DPYSL4: variants seen among roughly 807,000 people sequenced by gnomAD.
DPYSL4 encodes the protein dihydropyrimidinase like 4.
Under a neutral mutation model 63.4 loss-of-function variants are expected in DPYSL4, and 43 were observed. The ratio of observed to expected loss-of-function variants is 0.68; its 90% CI spans 0.53 to 0.88. The LOEUF is 0.88. Among genes scored for constraint, DPYSL4 ranks in the 40% least tolerant of loss-of-function variants. DPYSL4 has a pLI of 0.00. For missense variants in DPYSL4, 733 were observed against 819.5 expected (o/e 0.89, Z 1.29); for synonymous variants, 353 against 331.7 (o/e 1.06, Z -0.70).
chr10:132,193,944 G>A (rs1435166002), intron 3 of DPYSL4, among the ~76,000 whole-genome samples: 2 of 152,272 alleles, frequency 1.3e-5, no homozygotes, highest in Admixed American at 1.3e-4. Context: ...GAGGAGACTG[G>A]CCACTGCTCG....
At chr10:132,202,177 C>T in intron 11 of DPYSL4, 61 bp downstream of exon 11, 4 of 1,570,040 alleles carry the variant, frequency 2.5e-6, no homozygotes, top group Non-Finnish European at 3.5e-6. Context: ...CCAGGGCAGC[C>T]TTCCCAGGAG....
intron 1 of DPYSL4, among the ~76,000 whole-genome samples, chr10:132,188,605 C>G (rs1000486420): frequency 6.6e-6 from 1 of 152,236 alleles, no homozygotes; most frequent in African/African-American, 2.4e-5. Flanking sequence ...ACAGACAGCT[C>G]TGTAGACCAA....
intron 4 of DPYSL4, among the ~76,000 whole-genome samples, chr10:132,195,795 T>C (rs796385650): frequency 2.6e-5 from 4 of 152,376 alleles, no homozygotes; most frequent in African/African-American, 9.6e-5. Context: ...TCCAGGCAGC[T>C]GCTCTGCCAC....
Position 132,202,101 on chromosome 10 carries a change from C to G in DPYSL4, c.1266C>G (p.Ala422=). 4 of 1,612,678 alleles carry G rather than the reference C, an allele frequency of 2.5e-6. No individual in the cohort carries two copies. Among genetic ancestry groups the G allele is most frequent in the Non-Finnish European group, 3.4e-6 (4 of 1,179,708 alleles). The change falls in exon 11 of 14, where the codon GCC becomes GCG. Residue 422 remains alanine (A), a synonymous_variant. Coordinates refer to ENST00000338492, the MANE Select transcript of DPYSL4 (RefSeq NM_006426.3). ...WNPKATKIIS[A]KTHNLNVEYN... Reference sequence around the variant, plus strand: ...CCAAGGCCACCAAGATCATCTCTGCCAAGACCCACAATCTGGTAAGAGAAG... The same window carrying G: ...CCAAGGCCACCAAGATCATCTCTGCGAAGACCCACAATCTGGTAAGAGAAG...
intron 4 of DPYSL4, among the ~76,000 whole-genome samples, 189 bp from the exon 5 acceptor site, chr10:132,196,672 C>T (rs554875187): frequency 5.8e-4 from 88 of 152,352 alleles, no homozygotes; most frequent in Non-Finnish European, 1.1e-3. Flanking sequence ...GCTGCCTCCG[C>T]CTCACTTCCC....
At chr10:132,202,548 C>A in intron 11 of DPYSL4, 98 bp from the exon 12 acceptor site, 1 of 1,500,564 alleles carries the variant, frequency 6.7e-7, no homozygotes, top group Non-Finnish European at 9.0e-7. Flanking sequence ...ACCGGGCCTG[C>A]TCCACGCTGG....
chr10:132,189,263 G>A (rs2101613), intron 1 of DPYSL4, among the ~76,000 whole-genome samples: 61,813 of 152,202 alleles, frequency 0.41, 14,809 homozygotes, highest in Admixed American at 0.54. Context: ...AGGGAAAAGC[G>A]TTGCCGAGTC....
intron 1 of DPYSL4, among the ~76,000 whole-genome samples, chr10:132,189,491 G>A (rs757329886): frequency 3.3e-5 from 5 of 152,152 alleles, no homozygotes; most frequent in South Asian, 2.1e-4. Context: ...CCTGTCTAAC[G>A]CCACAGCTCT....
intron 4 of DPYSL4, among the ~76,000 whole-genome samples, chr10:132,195,539 G>T (rs2061932294): frequency 6.6e-6 from 1 of 152,206 alleles, no homozygotes; most frequent in Non-Finnish European, 1.5e-5. Flanking sequence ...CCAGCCTGGA[G>T]GTGGGGGCGG....
At chr10:132,195,933 T>C (rs866495077) in intron 4 of DPYSL4, among the ~76,000 whole-genome samples, 3 of 152,206 alleles carry the variant, frequency 2.0e-5, no homozygotes, top group African/African-American at 4.8e-5. Context: ...CCAAGAGCCA[T>C]GCAGGAGTCC....
chr10:132,198,913 C>T lies in DPYSL4; in HGVS notation c.753C>T (p.Tyr251=), dbSNP rs763838182. ...CCAAGCAGGCAAACTGCCCGCTGTA[C>T]GTCACCAAGGTGATGAGCAAGGGGG... ...TIAKQANCPL[Y]VTKVMSKGAA... Residue 251 remains tyrosine (Y), a synonymous_variant, in exon 8 of 14, where the codon TAC becomes TAT. Transcript: ENST00000338492. The T allele has an allele frequency of 1.0e-4, 167 of 1,612,846 alleles. 1 individual carries two copies. The highest frequency in any genetic ancestry group is 1.1e-4 in the Non-Finnish European group (126 of 1,179,940).
intron 1 of DPYSL4, among the ~76,000 whole-genome samples, chr10:132,190,002 C>G (rs2061852681): frequency 6.6e-6 from 1 of 152,240 alleles, no homozygotes; most frequent in African/African-American, 2.4e-5. Flanking sequence ...CAAGCCCTTT[C>G]CTGCCCCAAG....
intron 3 of DPYSL4, among the ~76,000 whole-genome samples, chr10:132,193,305 A>G (rs1403152670): frequency 1.3e-5 from 2 of 152,200 alleles, no homozygotes; most frequent in African/African-American, 2.4e-5. Context: ...GATAAAAGCA[A>G]TGCTCATTAT....
rs1184394331 is a variant in DPYSL4, at chr10:132,202,886, C to G, written c.1461+61C>G. ...GCAGGTGGGCGCTGAGTTCTAGGCC[C>G]AGAACGCACCCCTGGTCAACCTGGC... On this transcript the variant is annotated intron_variant, in intron 12 of 13. Coordinates refer to ENST00000338492, the MANE Select transcript of DPYSL4 (RefSeq NM_006426.3). 5 of 1,527,496 alleles carry G rather than the reference C, an allele frequency of 3.3e-6. No individual in the cohort carries two copies. The East Asian group carries it at 1.1e-4, about 35-fold the overall frequency. 94.6% of individuals were successfully genotyped at this position (1,527,496 alleles called of 1,614,324 possible).
At chr10:132,200,685 G>C (rs1336737527) in intron 9 of DPYSL4, among the ~76,000 whole-genome samples, 157 bp from the exon 10 acceptor site, 1 of 152,136 alleles carries the variant, frequency 6.6e-6, no homozygotes, top group African/African-American at 2.4e-5. Flanking sequence ...GCAGGAACCA[G>C]TCCCCGCTCC....
chr10:132,200,972 G>A lies in DPYSL4; in HGVS notation c.1099G>A (p.Glu367Lys), dbSNP rs1238707587. The part of the protein sequence containing the change: ...GIEERMSMVW[E>K]KCVASGKMDE... ...TGAGGAGCGCATGTCGATGGTCTGG[G>A]AGAAATGTGTGGTGAGCACAGGCCT... The change falls in exon 10 of 14, where the codon GAG (glutamate) becomes AAG (lysine). Residue 367 changes from glutamate (E) to lysine (K), a missense_variant. Glu to Lys is a moderately conservative substitution (Grantham distance 56, BLOSUM62 1). Coordinates refer to ENST00000338492, the MANE Select transcript of DPYSL4 (RefSeq NM_006426.3). 2.5e-6 allele frequency: 4 copies of A among 1,613,178 alleles called. No individual in the cohort carries two copies. The South Asian group carries it at 4.4e-5, about 18-fold the overall frequency.
At position 132,194,919 on chromosome 10, in the gene DPYSL4, G is replaced by T. The variant is rs199857221; in HGVS notation, c.388G>T (p.Ala130Ser). The stretch of plus-strand genomic sequence containing the variant: ...GCAGTGGCGGGAGCGGGCGGACAGC[G>T]CGGCCTGCTGCGACTACTCCCTGCA... ...YEQWRERADS[A>S]ACCDYSLHVD... is the part of the protein sequence containing the mutation. The change falls in exon 4 of 14, where the codon GCG becomes TCG. Residue 130 changes from alanine (A) to serine (S), a missense_variant. Ala to Ser is a moderately conservative substitution (Grantham distance 99, BLOSUM62 1). Transcript: ENST00000338492. The T allele has an allele frequency of 6.2e-7, 1 of 1,612,338 alleles. No homozygotes were observed. Among genetic ancestry groups the T allele is most frequent in the African/African-American group, 1.3e-5 (1 of 74,920 alleles).
intron 4 of DPYSL4, among the ~76,000 whole-genome samples, chr10:132,195,960 G>A (rs1431755468): frequency 6.6e-6 from 1 of 152,216 alleles, no homozygotes. Context: ...CTGTGCCCAC[G>A]GGGTAGTGTT....
chr10:132,191,873 G>C lies in DPYSL4; in HGVS notation c.129-785G>C, dbSNP rs947025435. Reference sequence around the variant, plus strand: ...GTTCCCAGCTCGTGTGTACACGCTGGTCATGTGGTATCCAGGCAGATGAAC... The same window carrying C: ...GTTCCCAGCTCGTGTGTACACGCTGCTCATGTGGTATCCAGGCAGATGAAC... On this transcript the variant is annotated intron_variant, in intron 2 of 13. Coordinates refer to ENST00000338492, the MANE Select transcript of DPYSL4 (RefSeq NM_006426.3). Among the ~76,000 whole-genome samples the C allele has an allele frequency of 8.5e-5, 12 of 140,560 alleles. No homozygotes were observed. The Admixed American group carries it at 8.7e-4, about 10-fold the overall frequency. 92.2% of individuals were successfully genotyped at this position (140,560 alleles called of 152,430 possible).
Sources: allele counts gnomAD v4.1 joint callset (sites outside exome capture counted in the v4.1 genomes callset), GRCh38; gene constraint gnomAD v4.1.1; transcripts MANE v1.5; gene names NCBI Gene and HGNC (gene_info 2026-07-23, HGNC 2026-07-21).